Variants in SPOCD1 observed in about 807,000 individuals in gnomAD.
The protein encoded by SPOCD1 is SPOC domain containing 1, also known as SPOC domain-containing protein 1.
SPOCD1 carries 64 observed loss-of-function variants against 92.2 expected under a neutral mutation model. The ratio of observed to expected loss-of-function variants is 0.69; its 90% CI spans 0.57 to 0.86. The LOEUF (loss-of-function observed/expected upper bound fraction) is 0.86. SPOCD1 is among the 40% of genes least tolerant of loss of function. SPOCD1 has a pLI of 0.00. For missense variants in SPOCD1, 1,360 were observed against 1,543.1 expected, an observed-to-expected ratio of 0.88 and a Z score of 1.99; for synonymous variants, 578 against 619.3, an observed-to-expected ratio of 0.93 and a Z score of 0.99.
intron 2 of SPOCD1, among the ~76,000 whole-genome samples, chr1:31,804,438 A>G (rs897601164): frequency 6.6e-6 from 1 of 152,244 alleles, no homozygotes; most frequent in African/African-American, 2.4e-5. Flanking sequence ...TGGCAATTAG[A>G]CTAACAGCTA....
At chr1:31,805,521 T>A (rs1648763289) in intron 2 of SPOCD1, among the ~76,000 whole-genome samples, 4 of 152,052 alleles carry the variant, frequency 2.6e-5, no homozygotes, top group Admixed American at 2.0e-4. Context: ...AGCTCAGGAA[T>A]TCGAGACCAG....
In SPOCD1 at chr1:31,814,452, C is replaced by A; in HGVS notation, c.882G>T (p.Gly294=). The A allele has an allele frequency of 6.3e-7, 1 of 1,598,374 alleles. No homozygotes were observed. The highest frequency in any genetic ancestry group is 1.1e-5 in the South Asian group (1 of 89,510). ...KFGYLPATGD[G]PQPGSPCGPV... is the part of the protein sequence containing the mutation. ...GGCCACAGGGGCTGCCTGGCTGGGG[C>A]CCATCCCCTGTAGCGGGCAAATATC... Residue 294 remains glycine, a synonymous_variant, in exon 2 of 16, where the codon GGG becomes GGT. Transcript: ENST00000360482. The surrounding 1 kb of genome is among the most constrained non-coding windows in gnomAD (Gnocchi z 4.2).
chr1:31,797,717 C>T (rs2149102265), intron 9 of SPOCD1, among the ~76,000 whole-genome samples: 1 of 152,346 alleles, frequency 6.6e-6, no homozygotes, highest in South Asian at 2.1e-4. Flanking sequence ...CTCAGTGCCA[C>T]AGCTTCCCTG....
At position 31,800,468 on chromosome 1, in the gene SPOCD1, G is replaced by T; in HGVS notation, c.1575C>A (p.Pro525=). Residue 525 remains proline (P), a synonymous_variant, in exon 4 of 16, where the codon CCC becomes CCA. Transcript: ENST00000360482. Reference sequence around the variant, plus strand: ...GGCACCCAGCAGGGCCCTGCACCATGGGCCTTTTCTTCCTTCTGAGCCTCT... The same window carrying T: ...GGCACCCAGCAGGGCCCTGCACCATTGGCCTTTTCTTCCTTCTGAGCCTCT... ...PAQRLRRKKR[P]MVQGPAGCQV... The T allele has an allele frequency of 6.2e-7, 1 of 1,608,038 alleles. No homozygotes were observed. The highest frequency in any genetic ancestry group is 2.2e-5 in the East Asian group (1 of 44,612).
chr1:31,800,171 C>T (rs368633888), intron 4 of SPOCD1, 30 bp from the exon 5 acceptor site: 149 of 1,563,110 alleles, frequency 9.5e-5, no homozygotes, highest in Non-Finnish European at 1.2e-4. Context: ...AAGCTATTGG[C>T]CGGAAATGGA....
intron 2 of SPOCD1, among the ~76,000 whole-genome samples, chr1:31,805,012 C>T (rs1156779118): frequency 1.4e-5 from 1 of 71,030 alleles, no homozygotes; most frequent in African/African-American, 5.2e-5. Flanking sequence ...GATGGAGTCT[C>T]GCTCTGTCAC....
At chr1:31,799,346 G>T in intron 7 of SPOCD1, 55 bp downstream of exon 7, 1 of 1,483,724 alleles carries the variant, frequency 6.7e-7, no homozygotes, top group African/African-American at 1.4e-5. Context: ...CCCGGAGGCG[G>T]GGGCATGTGA....
chr1:31,799,437 G>C lies in SPOCD1; in HGVS notation c.1832C>G (p.Thr611Ser). ...TACCTCCTGCATGGAACGGACAACA[G>C]TGCCCCGCACCCCAATATACAGGGA... The part of the protein sequence containing the change: ...KPSLYIGVRG[T>S]VVRSMQEVLW... Residue 611 changes from threonine (T) to serine (S), a missense_variant, in exon 7 of 16, where the codon ACT becomes AGT. Coordinates refer to ENST00000360482, the MANE Select transcript of SPOCD1 (RefSeq NM_144569.7). The C allele has an allele frequency of 6.2e-7, 1 of 1,611,906 alleles. No homozygotes were observed. Among genetic ancestry groups the C allele is most frequent in the Non-Finnish European group, 8.5e-7 (1 of 1,179,236 alleles).
chr1:31,813,542 C>T (rs957222300), intron 2 of SPOCD1, among the ~76,000 whole-genome samples: 1 of 152,196 alleles, frequency 6.6e-6, no homozygotes, highest in African/African-American at 2.4e-5. Context: ...GGATTACAGG[C>T]GTGAGCCACT....
In SPOCD1 at chr1:31,794,300, G is replaced by A. The variant is rs548490529; in HGVS notation, c.2272-65C>T. 8.2e-6 allele frequency: 10 copies of A among 1,224,818 alleles called. No homozygotes were observed. In the African/African-American group the frequency reaches 1.1e-4, roughly 13 times the overall value. The allele number at this position is 1,224,818 out of a possible 1,614,324, so 75.9% of individuals were successfully genotyped here. Reference sequence around the variant, plus strand: ...CTGGGGGTGCCCGGAGGCCTCCATGGGTAGGGGGCCCCAGGATGTGGTTTA... The same window carrying A: ...CTGGGGGTGCCCGGAGGCCTCCATGAGTAGGGGGCCCCAGGATGTGGTTTA... On this transcript the variant is annotated intron_variant, in intron 10 of 15. Transcript: ENST00000360482.
At chr1:31,791,603 A>G (rs1465221431) in intron 15 of SPOCD1, among the ~76,000 whole-genome samples, 1 of 152,100 alleles carries the variant, frequency 6.6e-6, no homozygotes, top group Non-Finnish European at 1.5e-5. Context: ...TGCTTTCCTG[A>G]GCCACGCCGT....
At chr1:31,803,248 C>A (rs1333380720) in intron 2 of SPOCD1, among the ~76,000 whole-genome samples, 2 of 151,554 alleles carry the variant, frequency 1.3e-5, no homozygotes, top group African/African-American at 2.4e-5. Context: ...GAGTGAAGGA[C>A]AAAAAAACTA....
Position 31,815,349 on chromosome 1 carries a change from T to A in SPOCD1, c.-16A>T. 1 of 1,521,164 alleles carries A rather than the reference T, an allele frequency of 6.6e-7. No homozygotes were observed. The highest frequency in any genetic ancestry group is 2.3e-5 in the East Asian group (1 of 43,762). The allele number at this position is 1,521,164 out of a possible 1,614,324, so 94.2% of individuals were successfully genotyped here. ...CCTGGGACATGTCTGTCCACCTACC[T>A]GGGCCAAAAGCACAACACGGGCCCT... On this transcript the variant is annotated 5_prime_UTR_variant, in exon 2 of 16. Coordinates refer to ENST00000360482, the MANE Select transcript of SPOCD1 (RefSeq NM_144569.7).
chr1:31,801,724 G>A lies in SPOCD1; in HGVS notation c.1384-19C>T, dbSNP rs1315948527. ...CTTCCTCCTTGGAGAGAAAGAGGAT[G>A]CAGAGATTAGAATCCAGAGGACCCA... On this transcript the variant is annotated intron_variant, in intron 2 of 15. Transcript: ENST00000360482. The A allele has an allele frequency of 7.4e-6, 12 of 1,611,150 alleles. No individual in the cohort carries two copies. In the Middle Eastern group the frequency reaches 4.9e-4, roughly 66 times the overall value.
At chr1:31,809,948 C>G (rs1324417926) in intron 2 of SPOCD1, among the ~76,000 whole-genome samples, 1 of 152,326 alleles carries the variant, frequency 6.6e-6, no homozygotes, top group African/African-American at 2.4e-5. Flanking sequence ...TCCTGCAACA[C>G]TCCAAGCTGC....
At chr1:31,813,082 C>A (rs556918500) in intron 2 of SPOCD1, among the ~76,000 whole-genome samples, 1 of 152,296 alleles carries the variant, frequency 6.6e-6, no homozygotes, top group South Asian at 2.1e-4. Flanking sequence ...GGGAACATGG[C>A]TGGTCACTGA....
At chr1:31,799,578 G>A (rs1444786410) in intron 6 of SPOCD1, 93 bp from the exon 7 acceptor site, 1 of 1,241,300 alleles carries the variant, frequency 8.1e-7, no homozygotes. Context: ...AGACAGGAGA[G>A]GGGTCCCACC....
chr1:31,810,500 C>T (rs1649127686), intron 2 of SPOCD1, among the ~76,000 whole-genome samples: 1 of 151,996 alleles, frequency 6.6e-6, no homozygotes, highest in Non-Finnish European at 1.5e-5. Flanking sequence ...ACTACAGGCA[C>T]AAGCCACCAT....
chr1:31,800,282 C>A (rs962526903), intron 4 of SPOCD1, 141 bp from the exon 5 acceptor site: 24 of 1,463,506 alleles, frequency 1.6e-5, no homozygotes, highest in Non-Finnish European at 2.1e-5. Context: ...CACATGGAGC[C>A]CAGGCCAGCC....
Sources: gnomAD v4.1 joint callset for allele counts (sites outside exome capture counted in the v4.1 genomes callset) on GRCh38, gnomAD v4.1.1 for gene constraint, Gnocchi (gnomAD v3.1) non-coding constraint, MANE v1.5 for transcripts, NCBI Gene and HGNC (gene_info 2026-07-23, HGNC 2026-07-21) for gene names.